Variants in FBXO31 observed in about 807,000 individuals in gnomAD.
FBXO31 encodes the protein F-box protein 31, also known as F-box only protein 31.
Under a neutral mutation model 54.4 loss-of-function variants are expected in FBXO31, and 24 were observed. The observed-to-expected ratio is 0.44, with a 90% CI of 0.32 to 0.62. The LOEUF is 0.62. Ranked by LOEUF, FBXO31 falls within the 20% of genes least tolerant of loss-of-function variation. The pLI is 0.05. For missense variants in FBXO31, 665 were observed against 787.1 expected (o/e 0.84, Z 1.86); for synonymous variants, 388 against 335.6 (o/e 1.16, Z -1.71).
Position 87,346,492 on chromosome 16 carries a change from G to T in FBXO31, c.489+682C>A, listed in dbSNP as rs1354488273. Among the ~76,000 whole-genome samples the T allele has an allele frequency of 6.6e-6, 1 of 152,246 alleles. No individual in the cohort carries two copies. On this transcript the variant is annotated intron_variant, in intron 3 of 8. Transcript: ENST00000311635. The surrounding 1 kb of genome is among the most constrained non-coding windows in gnomAD (Gnocchi z 4.2). ...GACTTCCATCTCCAGCCATGATCAA[G>T]TACCCAGGACTAGACAGGCACTGCC...
chr16:87,347,160 G>A lies in FBXO31; in HGVS notation c.489+14C>T. 1 of 1,613,186 alleles carries A rather than the reference G, an allele frequency of 6.2e-7. No homozygotes were observed. The highest frequency in any genetic ancestry group is 1.3e-5 in the African/African-American group (1 of 75,034). On this transcript the variant is annotated intron_variant, in intron 3 of 8. Transcript: ENST00000311635. ...GCCCGTGCACAGACCTCGTCGCGAG[G>A]CTCCGGGACTTACCACCACGTTCAG...
intron 2 of FBXO31, among the ~76,000 whole-genome samples, chr16:87,357,422 C>A (rs34260864): frequency 2.0e-5 from 3 of 151,312 alleles, no homozygotes; most frequent in Non-Finnish European, 4.4e-5. Context: ...CTTCACCTCC[C>A]GGGTTCAAGC....
chr16:87,389,198 T>G (rs57910220), intron 1 of FBXO31, among the ~76,000 whole-genome samples: 3,200 of 152,226 alleles, frequency 0.021, 116 homozygotes, highest in African/African-American at 0.073. Context: ...TATTCTTACA[T>G]GGGAATGAAA....
Position 87,331,277 on chromosome 16 carries a change from G to T in FBXO31, c.*11C>A. The stretch of plus-strand genomic sequence containing the variant: ...GAGCCACCCGGGATGTGGCGGCAAG[G>T]ATGTGGCCGGTCAGGAGGTGAGGGA... On this transcript the variant is annotated 3_prime_UTR_variant, in exon 9 of 9. Transcript: ENST00000311635. The T allele has an allele frequency of 6.2e-7, 1 of 1,610,802 alleles. No individual in the cohort carries two copies. The highest frequency in any genetic ancestry group is 8.5e-7 in the Non-Finnish European group (1 of 1,177,320).
chr16:87,366,770 G>A (rs1027579526), intron 1 of FBXO31, among the ~76,000 whole-genome samples: 2 of 152,226 alleles, frequency 1.3e-5, no homozygotes, highest in Admixed American at 6.5e-5. Flanking sequence ...GAGGGCAGAC[G>A]GGCCGGCTGC....
In FBXO31 at chr16:87,331,412, A is replaced by G; in HGVS notation, c.1496T>C (p.Val499Ala). The change falls in exon 9 of 9, where the codon GTC becomes GCC. Residue 499 changes from valine to alanine, a missense_variant. This residue lies in a region of FBXO31 where 71 missense variants were observed against 105.8 expected (regional missense o/e 0.67). Transcript: ENST00000311635. ...GCTGAAGGATTTCAGCTCCAGCCAG[A>G]CGAACCCGAAGCGGTCCTCATCGAA... ...ILFDEDRFGF[V>A]WLELKSFSLY... The G allele has an allele frequency of 6.2e-7, 1 of 1,613,858 alleles. No homozygotes were observed.
chr16:87,387,792 C>T (rs1907376109), upstream of FBXO31, among the ~76,000 whole-genome samples: 1 of 152,122 alleles, frequency 6.6e-6, no homozygotes, highest in Non-Finnish European at 1.5e-5. Flanking sequence ...TGGTGCATTC[C>T]AGCCTGGGCG....
In FBXO31 at chr16:87,345,899, G is replaced by A. The variant is rs1008482731; in HGVS notation, c.489+1275C>T. On this transcript the variant is annotated intron_variant, in intron 3 of 8. Coordinates refer to ENST00000311635, the MANE Select transcript of FBXO31 (RefSeq NM_024735.5). The surrounding 1 kb of genome is among the most constrained non-coding windows in gnomAD (Gnocchi z 4.9). ...GGTCTACACAGGAGCCAGGACTACC[G>A]CCGCCAAACGCCAAAGATGGCAACC... 2.0e-5 allele frequency among the ~76,000 whole-genome samples: 3 copies of A among 152,186 alleles called. No individual in the cohort carries two copies. Among genetic ancestry groups the A allele is most frequent in the Admixed American group, 1.3e-4 (2 of 15,286 alleles).
intron 2 of FBXO31, among the ~76,000 whole-genome samples, chr16:87,356,820 AAGC>A: frequency 1.3e-5 from 2 of 152,308 alleles, no homozygotes; most frequent in Middle Eastern, 6.8e-3. Context: ...GGTGGACTGA[AAGC>A]AGTAGTAGGG....
Position 87,336,355 on chromosome 16 carries a change from T to TC in FBXO31, c.733-92_733-91insG. ...GCCGCTGAGAGGACACAGTGTGTCC[T>TC]TCTTTGTCAGTGCACAGGCACCTGC... On this transcript the variant is annotated intron_variant, in intron 5 of 8. Transcript: ENST00000311635. The surrounding 1 kb of genome is among the most constrained non-coding windows in gnomAD (Gnocchi z 6.5). The TC allele has an allele frequency of 1.7e-6, 2 of 1,183,732 alleles. No homozygotes were observed. Among genetic ancestry groups the TC allele is most frequent in the Non-Finnish European group, 2.5e-6 (2 of 805,662 alleles). 73.3% of individuals were successfully genotyped at this position (1,183,732 alleles called of 1,614,324 possible).
upstream of FBXO31, among the ~76,000 whole-genome samples, chr16:87,385,457 CAAA>C (rs531673191): frequency 0.014 from 1,753 of 121,896 alleles, 31 homozygotes; most frequent in African/African-American, 0.057. Flanking sequence ...GACTCTGTCT[CAAA>C]AAAAAAAAAA....
In FBXO31 at chr16:87,370,152, C is replaced by T. The variant is rs528935067; in HGVS notation, c.341-9786G>A. 2.0e-5 allele frequency among the ~76,000 whole-genome samples: 3 copies of T among 152,310 alleles called. No homozygotes were observed. In the East Asian group the frequency reaches 5.8e-4, roughly 29 times the overall value. ...GGAAGAGCCCTTACTGTCCCCCTGT[C>T]CCACTCTCCCCTCCCTCTCAGGGGC... is the stretch of plus-strand genomic sequence containing the variant. On this transcript the variant is annotated intron_variant, in intron 1 of 8. Transcript: ENST00000311635.
In FBXO31 at chr16:87,338,356, G is replaced by C. The variant is rs567732365; in HGVS notation, c.733-2092C>G. 1.3e-5 allele frequency among the ~76,000 whole-genome samples: 2 copies of C among 152,158 alleles called. No individual in the cohort carries two copies. Among genetic ancestry groups the C allele is most frequent in the African/African-American group, 4.8e-5 (2 of 41,432 alleles). ...CCTCGTGGCAGCGCCGGCAGAGGGG[G>C]CTGAGGGTGACAAGGATGCCTGCTG... is the stretch of plus-strand genomic sequence containing the variant. On this transcript the variant is annotated intron_variant, in intron 5 of 8. Transcript: ENST00000311635. This position sits in a 1 kb window ranked among gnomAD's most constrained non-coding sequence, Gnocchi z 4.3.
At position 87,383,369 on chromosome 16, in the gene FBXO31, C is replaced by G. The variant is rs529524114; in HGVS notation, c.340+36G>C. 1.3e-4 allele frequency: 195 copies of G among 1,445,990 alleles called. 2 individuals are homozygous for G. The South Asian group carries it at 2.2e-3, about 16-fold the overall frequency. 89.6% of individuals were successfully genotyped at this position (1,445,990 alleles called of 1,614,324 possible). A position where few individuals can be genotyped will look rare whatever the true frequency, so the allele number is the denominator to read the frequency against. The stretch of plus-strand genomic sequence containing the variant: ...GAGGCCTCCACCTGGCAGGGACCCC[C>G]CGCCCCTCCCGGCCCCGCCACCCCC... On this transcript the variant is annotated intron_variant, in intron 1 of 8. Transcript: ENST00000311635. The surrounding 1 kb of genome is among the most constrained non-coding windows in gnomAD (Gnocchi z 4.9).
At position 87,383,374 on chromosome 16, in the gene FBXO31, C is replaced by T. The variant is rs1907171456; in HGVS notation, c.340+31G>A. ...CTCCACCTGGCAGGGACCCCCCGCCCCTCCCGGCCCCGCCACCCCCGCGCG... is the reference window on the plus strand; with the variant it reads ...CTCCACCTGGCAGGGACCCCCCGCCTCTCCCGGCCCCGCCACCCCCGCGCG... On this transcript the variant is annotated intron_variant, in intron 1 of 8. Transcript: ENST00000311635. The surrounding 1 kb of genome is among the most constrained non-coding windows in gnomAD (Gnocchi z 4.9). 1.3e-6 allele frequency: 2 copies of T among 1,483,156 alleles called. No homozygotes were observed. The highest frequency in any genetic ancestry group is 1.8e-6 in the Non-Finnish European group (2 of 1,102,126). 91.9% of individuals were successfully genotyped at this position (1,483,156 alleles called of 1,614,324 possible).
chr16:87,342,375 G>A (rs1905221549), intron 5 of FBXO31, among the ~76,000 whole-genome samples: 1 of 152,098 alleles, frequency 6.6e-6, no homozygotes, highest in Non-Finnish European at 1.5e-5. Context: ...ATTTTGAGAG[G>A]GCAGTAAGAC....
At chr16:87,343,987 C>T (rs536322100) in intron 3 of FBXO31, among the ~76,000 whole-genome samples, 3 of 152,336 alleles carry the variant, frequency 2.0e-5, no homozygotes, top group South Asian at 2.1e-4. Context: ...GAAAGTGACA[C>T]GGGGTGAGGT....
chr16:87,333,787 G>C (rs576061600), intron 8 of FBXO31, 99 bp downstream of exon 8: 1 of 1,491,176 alleles, frequency 6.7e-7, no homozygotes, highest in African/African-American at 1.4e-5. Context: ...CCTCTGTGAG[G>C]TCACAGGCCC....
intron 1 of FBXO31, among the ~76,000 whole-genome samples, chr16:87,361,685 C>T (rs1373242924): frequency 1.3e-5 from 2 of 152,254 alleles, no homozygotes; most frequent in African/African-American, 4.8e-5. Context: ...AGGCCTCATC[C>T]CTTCTTTTCA....
Sources: allele counts gnomAD v4.1 joint callset (sites outside exome capture counted in the v4.1 genomes callset), GRCh38; gene constraint gnomAD v4.1.1; regional missense constraint gnomAD v4.1.1; non-coding constraint Gnocchi (gnomAD v3.1); transcripts MANE v1.5; gene names NCBI Gene and HGNC (gene_info 2026-07-23, HGNC 2026-07-21).